The following ATP8A2 variants were observed in gnomAD, a reference collection of about 807,000 sequenced individuals.
ATP8A2 encodes phospholipid-transporting ATPase IB.
In ATP8A2, 100 loss-of-function variants were observed where a neutral mutation model predicts 165.6. That is an observed-to-expected ratio of 0.60 (90% confidence interval 0.51 to 0.71). ATP8A2 has a LOEUF of 0.71. Ranked by LOEUF, ATP8A2 falls within the 30% of genes least tolerant of loss-of-function variation. The pLI is 0.00. For synonymous variants in ATP8A2, 543 were observed against 548.8 expected, an observed-to-expected ratio of 0.99 and a Z score of 0.15; for missense variants, 1,227 against 1,479.5, an observed-to-expected ratio of 0.83 and a Z score of 2.80.
At chr13:25,832,703 G>T (rs1453396823) in intron 28 of ATP8A2, among the ~76,000 whole-genome samples, 1 of 152,120 alleles carries the variant, frequency 6.6e-6, no homozygotes, top group East Asian at 1.9e-4. Context: ...CATTTAACCA[G>T]AATTCAGACC....
chr13:25,839,693 A>T lies in ATP8A2; in HGVS notation c.2956+69A>T, dbSNP rs898156939. 9.0e-6 allele frequency: 12 copies of T among 1,339,224 alleles called. No individual in the cohort carries two copies. In the African/African-American group the frequency reaches 1.3e-4, roughly 15 times the overall value. The allele number at this position is 1,339,224 out of a possible 1,614,324, so 83.0% of individuals were successfully genotyped here. ...CCGCTCTGCTGCCTGTGTGTTCACA[A>T]TTTTTTTTTCCAGTTCTGCAGAACA... On this transcript the variant is annotated intron_variant, in intron 30 of 36. Transcript: ENST00000381655.
At chr13:25,427,048 A>AG (rs1021811828) in intron 1 of ATP8A2, among the ~76,000 whole-genome samples, 1 of 152,222 alleles carries the variant, frequency 6.6e-6, no homozygotes, top group African/African-American at 2.4e-5. Context: ...GGAAAGCCAG[A>AG]GGGGGTGTGA....
intron 33 of ATP8A2, among the ~76,000 whole-genome samples, chr13:25,892,478 G>GTCTCTGTCTCTCTC (rs1555286138): frequency 7.3e-6 from 1 of 136,178 alleles, no homozygotes; most frequent in African/African-American, 3.0e-5. Flanking sequence ...CTGTCTCTCT[G>GTCTCTGTCTCTCTC]TCTCTCTCTC....
At chr13:25,468,826 C>A in intron 1 of ATP8A2, 151 bp from the exon 2 acceptor site, 7 of 1,297,852 alleles carry the variant, frequency 5.4e-6, no homozygotes, top group African/African-American at 1.6e-5. Context: ...GGCGGCGTCT[C>A]CAGGGGGAGC....
At position 25,372,190 on chromosome 13, in the gene ATP8A2, G is replaced by T. The variant is rs1210317519; in HGVS notation, c.-23G>T. The stretch of plus-strand genomic sequence containing the variant: ...TAGCCTCCGTCTCTCGCCCGGGGCC[G>T]CCGAGCCCCCGACACGGGCGAGATG... On this transcript the variant is annotated 5_prime_UTR_variant, in exon 1 of 37. Transcript: ENST00000381655. The surrounding 1 kb of genome is among the most constrained non-coding windows in gnomAD (Gnocchi z 4.8). 9 of 1,417,194 alleles carry T rather than the reference G, an allele frequency of 6.4e-6. No homozygotes were observed. The highest frequency in any genetic ancestry group is 6.5e-6 in the Non-Finnish European group (7 of 1,073,438). The allele number at this position is 1,417,194 out of a possible 1,614,324, so 87.8% of individuals were successfully genotyped here. A position where few individuals can be genotyped will look rare whatever the true frequency, so the allele number is the denominator to read the frequency against.
At chr13:25,972,941 G>A (rs1162001990) in intron 35 of ATP8A2, among the ~76,000 whole-genome samples, 1 of 152,114 alleles carries the variant, frequency 6.6e-6, no homozygotes, top group African/African-American at 2.4e-5. Context: ...AAAAAAAGGG[G>A]GAATATATTT....
At chr13:25,847,041 C>T (rs1391266516) in intron 30 of ATP8A2, among the ~76,000 whole-genome samples, 1 of 152,174 alleles carries the variant, frequency 6.6e-6, no homozygotes, top group Non-Finnish European at 1.5e-5. Flanking sequence ...GATTCAGAGT[C>T]AAGCATTAAA....
At chr13:25,917,632 A>C (rs954147490) in intron 33 of ATP8A2, among the ~76,000 whole-genome samples, 1 of 152,234 alleles carries the variant, frequency 6.6e-6, no homozygotes, top group Non-Finnish European at 1.5e-5. Flanking sequence ...TGCATTAGGA[A>C]GTACAGCATC....
rs571863177 is a variant in ATP8A2 at position 25,454,645 on chromosome 13, C to T, written c.77-14332C>T. ...TTGCCTTCTTAACAATGGCTTTGGC[C>T]GGGCGCGGTGGCTCACGCCTGTAAT... is the stretch of plus-strand genomic sequence containing the variant. On this transcript the variant is annotated intron_variant, in intron 1 of 36. Transcript: ENST00000381655. 5.3e-5 allele frequency among the ~76,000 whole-genome samples: 8 copies of T among 152,282 alleles called. No homozygotes were observed. The South Asian group carries it at 6.2e-4, about 12-fold the overall frequency.
chr13:25,506,941 A>ATATATATATATATATATATATATG (rs1491185011), intron 2 of ATP8A2, among the ~76,000 whole-genome samples: 5 of 35,290 alleles, frequency 1.4e-4, no homozygotes, highest in Non-Finnish European at 2.9e-4. Flanking sequence ...AGTACAGTAC[A>ATATATATATATATATATATATATG]TATATATATA....
At position 25,549,329 on chromosome 13, in the gene ATP8A2, G is replaced by A. The variant is rs12583660; in HGVS notation, c.892-2009G>A. 1.6e-4 allele frequency among the ~76,000 whole-genome samples: 25 copies of A among 151,928 alleles called. No individual in the cohort carries two copies. The East Asian group carries it at 3.5e-3, about 21-fold the overall frequency. On this transcript the variant is annotated intron_variant, in intron 10 of 36. Transcript: ENST00000381655. ...AAAAAAATTAGTCGGGCATGGTGGC[G>A]CACACTTGTAATCCCAGCTACTTGG...
At chr13:25,905,383 C>G (rs1953905656) in intron 33 of ATP8A2, among the ~76,000 whole-genome samples, 1 of 152,126 alleles carries the variant, frequency 6.6e-6, no homozygotes, top group Non-Finnish European at 1.5e-5. Context: ...GACACTGATT[C>G]TGCTCTAAGC....
chr13:25,830,181 A>C (rs74539711), intron 28 of ATP8A2, among the ~76,000 whole-genome samples: 1,542 of 151,752 alleles, frequency 0.01, 16 homozygotes, highest in African/African-American at 0.035. Flanking sequence ...GCTAATTAAA[A>C]AACATTTTTT....
At chr13:25,697,268 TTTGTTG>T (rs34413425) in intron 24 of ATP8A2, among the ~76,000 whole-genome samples, 6 of 151,006 alleles carry the variant, frequency 4.0e-5, no homozygotes, top group Admixed American at 2.0e-4. Flanking sequence ...GGAAAATTCT[TTTGTTG>T]TTGTTGTTGT....
chr13:25,406,634 G>C (rs1032791640), intron 1 of ATP8A2, among the ~76,000 whole-genome samples: 1 of 152,192 alleles, frequency 6.6e-6, no homozygotes, highest in African/African-American at 2.4e-5. Flanking sequence ...TCTGAGTCTA[G>C]CCTGGAGTTG....
At chr13:25,736,800 G>C (rs191831780) in intron 25 of ATP8A2, among the ~76,000 whole-genome samples, 3 of 152,290 alleles carry the variant, frequency 2.0e-5, no homozygotes, top group African/African-American at 2.4e-5. Context: ...GGCTCTAGTT[G>C]ATCATGGGAG....
chr13:25,845,822 T>A (rs956864025), intron 30 of ATP8A2, among the ~76,000 whole-genome samples: 3 of 152,232 alleles, frequency 2.0e-5, no homozygotes, highest in Non-Finnish European at 4.4e-5. Context: ...TGGGCAAGAT[T>A]GCCAGTGTTC....
At chr13:25,993,407 A>G (rs1956433745) in intron 35 of ATP8A2, among the ~76,000 whole-genome samples, 1 of 152,236 alleles carries the variant, frequency 6.6e-6, no homozygotes, top group African/African-American at 2.4e-5. Flanking sequence ...CAGGGCAATT[A>G]GGCAGGAGAA....
chr13:25,552,512 A>G (rs9581390), intron 11 of ATP8A2, among the ~76,000 whole-genome samples: 4 of 152,248 alleles, frequency 2.6e-5, no homozygotes, highest in Admixed American at 1.3e-4. Context: ...TAATTATACT[A>G]TCTTTTATAA....
Sources: allele counts gnomAD v4.1 joint callset (sites outside exome capture counted in the v4.1 genomes callset), GRCh38; gene constraint gnomAD v4.1.1; non-coding constraint Gnocchi (gnomAD v3.1); transcripts MANE v1.5; gene names NCBI Gene and HGNC (gene_info 2026-07-23, HGNC 2026-07-21).